The following LDAH variants were observed in gnomAD, a reference collection of about 807,000 sequenced individuals.
The protein encoded by LDAH is lipid droplet associated hydrolase, also known as lipid droplet-associated hydrolase.
In LDAH, 26 loss-of-function variants were observed where a neutral mutation model predicts 29.6. That is an observed-to-expected ratio of 0.88 (90% CI 0.64 to 1.22). LDAH has a LOEUF of 1.22. Ranked by LOEUF, LDAH falls within the 50% of genes most tolerant of loss-of-function variation. The pLI is 0.00. For synonymous variants in LDAH, 117 were observed against 133.0 expected (o/e 0.88, Z 0.83); for missense variants, 344 against 387.3 (o/e 0.89, Z 0.94).
chr2:20,731,865 T>G (rs1666432758), intron 5 of LDAH, among the ~76,000 whole-genome samples: 1 of 151,852 alleles, frequency 6.6e-6, no homozygotes, highest in African/African-American at 2.4e-5. Flanking sequence ...GTTTTTTTTT[T>G]TTTAATCATT....
chr2:20,791,755 AAGT>A (rs1332136873), intron 2 of LDAH, among the ~76,000 whole-genome samples: 5 of 152,222 alleles, frequency 3.3e-5, no homozygotes, highest in Non-Finnish European at 7.3e-5. Context: ...AGTCTTCAGT[AAGT>A]TTAGAATACT....
At chr2:20,790,057 A>G (rs1307006583) in intron 3 of LDAH, among the ~76,000 whole-genome samples, 198 bp downstream of exon 3, 1 of 152,240 alleles carries the variant, frequency 6.6e-6, no homozygotes, top group African/African-American at 2.4e-5. Context: ...AGATTGTTTT[A>G]TCTACCCATA....
chr2:20,693,804 A>G (rs1315956526), intron 6 of LDAH, among the ~76,000 whole-genome samples: 2 of 152,208 alleles, frequency 1.3e-5, no homozygotes, highest in Non-Finnish European at 2.9e-5. Context: ...CGCTTTTCTG[A>G]GCAATGCAAG....
intron 4 of LDAH, among the ~76,000 whole-genome samples, chr2:20,766,832 C>T (rs939361340): frequency 2.0e-5 from 3 of 152,216 alleles, no homozygotes; most frequent in African/African-American, 7.2e-5. Flanking sequence ...TCCCCTGTGC[C>T]CCACGTCCTT....
intron 5 of LDAH, among the ~76,000 whole-genome samples, chr2:20,712,222 G>A (rs563995597): frequency 5.9e-5 from 9 of 152,154 alleles, no homozygotes; most frequent in Non-Finnish European, 1.2e-4. Context: ...TGCAGCCTCC[G>A]CTGGTGATAC....
At chr2:20,702,478 T>A (rs1664015055) in intron 5 of LDAH, among the ~76,000 whole-genome samples, 1 of 152,214 alleles carries the variant, frequency 6.6e-6, no homozygotes, top group Admixed American at 6.5e-5. Context: ...ACTAAACATA[T>A]TCACATATAT....
At chr2:20,712,650 G>A (rs1664856028) in intron 5 of LDAH, among the ~76,000 whole-genome samples, 1 of 152,112 alleles carries the variant, frequency 6.6e-6, no homozygotes, top group African/African-American at 2.4e-5. Context: ...AAAAAGATTA[G>A]GTGAATGGCT....
At chr2:20,790,790 A>G (rs1191773365) in intron 2 of LDAH, among the ~76,000 whole-genome samples, 1 of 152,176 alleles carries the variant, frequency 6.6e-6, no homozygotes, top group African/African-American at 2.4e-5. Flanking sequence ...ATAATTGTAA[A>G]CAGGTGTACA....
At chr2:20,789,046 C>A (rs1439841254) in intron 3 of LDAH, 2 of 1,346,710 alleles carry the variant, frequency 1.5e-6, no homozygotes, top group African/African-American at 1.4e-5. Flanking sequence ...GCAGTAACAT[C>A]GCTATTAAAT....
At chr2:20,811,131 C>T (rs1215989084) in intron 1 of LDAH, among the ~76,000 whole-genome samples, 1 of 151,710 alleles carries the variant, frequency 6.6e-6, no homozygotes, top group African/African-American at 2.4e-5. Context: ...CATTCTCCTG[C>T]CTCAGCCTCC....
At chr2:20,788,849 T>C in intron 3 of LDAH, 1 of 311,678 alleles carries the variant, frequency 3.2e-6, no homozygotes, top group Non-Finnish European at 6.0e-6. Context: ...TTTTATAAAC[T>C]TATATTTAAG....
chr2:20,749,505 T>C (rs1572540849), intron 4 of LDAH, among the ~76,000 whole-genome samples: 1 of 152,246 alleles, frequency 6.6e-6, no homozygotes, highest in Non-Finnish European at 1.5e-5. Flanking sequence ...GGATGAATAA[T>C]ATAATGCAAA....
At chr2:20,722,532 T>G (rs1050593962) in intron 5 of LDAH, among the ~76,000 whole-genome samples, 1 of 152,088 alleles carries the variant, frequency 6.6e-6, no homozygotes, top group Non-Finnish European at 1.5e-5. Context: ...AGTTCCTGTA[T>G]TTGATAATGC....
rs1053900784 is a variant in LDAH at position 20,698,367 on chromosome 2, C to T, written c.786+3203G>A. On this transcript the variant is annotated intron_variant, in intron 6 of 6. Transcript: ENST00000237822. This position sits in a 1 kb window ranked among gnomAD's most constrained non-coding sequence, Gnocchi z 4.4. ...CTGGGAAGGCCTCTTGGGGATGACACTAGACAAGCAGGATTTAGTCAAATG... is the reference window on the plus strand; with the variant it reads ...CTGGGAAGGCCTCTTGGGGATGACATTAGACAAGCAGGATTTAGTCAAATG... Among the ~76,000 whole-genome samples the T allele has an allele frequency of 6.6e-6, 1 of 152,226 alleles. No individual in the cohort carries two copies. The highest frequency in any genetic ancestry group is 1.5e-5 in the Non-Finnish European group (1 of 68,048).
intron 1 of LDAH, among the ~76,000 whole-genome samples, chr2:20,802,477 A>G (rs140084752): frequency 7.7e-4 from 118 of 152,280 alleles, no homozygotes; most frequent in African/African-American, 2.8e-3. Flanking sequence ...ATGTGCAAAA[A>G]TGTAGGTCCC....
At chr2:20,774,577 G>C (rs866577450) in intron 4 of LDAH, among the ~76,000 whole-genome samples, 3 of 152,122 alleles carry the variant, frequency 2.0e-5, no homozygotes, top group African/African-American at 4.8e-5. Flanking sequence ...AGATTCAAAG[G>C]CATTCTTTCA....
intron 2 of LDAH, among the ~76,000 whole-genome samples, chr2:20,795,393 C>G (rs866173715): frequency 3.3e-5 from 5 of 152,112 alleles, no homozygotes; most frequent in East Asian, 1.9e-4. Context: ...ATTCATGGAG[C>G]CTTATCTGCT....
At chr2:20,782,082 T>A (rs776915746) in intron 3 of LDAH, among the ~76,000 whole-genome samples, 8 of 152,198 alleles carry the variant, frequency 5.3e-5, no homozygotes, top group Non-Finnish European at 1.2e-4. Context: ...ATTGTGAACA[T>A]CTAGGGCAGT....
chr2:20,770,670 C>A (rs145099425), intron 4 of LDAH, among the ~76,000 whole-genome samples: 2 of 152,308 alleles, frequency 1.3e-5, no homozygotes, highest in African/African-American at 4.8e-5. Flanking sequence ...GTTTCCTACT[C>A]TTGGAGCACC....
Sources: gnomAD v4.1 joint callset for allele counts (sites outside exome capture counted in the v4.1 genomes callset) on GRCh38, gnomAD v4.1.1 for gene constraint, Gnocchi (gnomAD v3.1) non-coding constraint, MANE v1.5 for transcripts, NCBI Gene and HGNC (gene_info 2026-07-23, HGNC 2026-07-21) for gene names.